Variants in TG observed in about 807,000 individuals in gnomAD.
TG encodes the protein thyroglobulin.
Under a neutral mutation model 324.7 loss-of-function variants are expected in TG, and 270 were observed. The ratio of observed to expected loss-of-function variants is 0.83; its 90% CI spans 0.75 to 0.92. The LOEUF (loss-of-function observed/expected upper bound fraction) is 0.92, where lower values mean the gene tolerates loss of function less well. TG is among the 40% of genes least tolerant of loss of function. TG has a pLI of 0.00. For synonymous variants in TG, 1,401 were observed against 1,327.0 expected (o/e 1.06, Z -1.21); for missense variants, 3,591 against 3,456.4 (o/e 1.04, Z -0.98).
chr8:133,052,508 C>A (rs1216270630), intron 41 of TG, among the ~76,000 whole-genome samples: 1 of 152,194 alleles, frequency 6.6e-6, no homozygotes, highest in East Asian at 1.9e-4. Context: ...TGTCCTGCTG[C>A]AGACCTTCCC....
chr8:132,909,073 G>T (rs1238705408), intron 18 of TG, among the ~76,000 whole-genome samples: 2 of 152,212 alleles, frequency 1.3e-5, no homozygotes, highest in Admixed American at 6.5e-5. Flanking sequence ...CTGTGGCTAG[G>T]ATGGTGAGTT....
intron 41 of TG, among the ~76,000 whole-genome samples, chr8:133,060,979 AAGCT>A (rs1297881378): frequency 1.3e-5 from 2 of 152,200 alleles, no homozygotes; most frequent in African/African-American, 4.8e-5. Flanking sequence ...GTGTACTTAC[AAGCT>A]AGATGACTTC....
At chr8:133,131,152 C>G (rs1398083390) in intron 45 of TG, among the ~76,000 whole-genome samples, 2 of 152,234 alleles carry the variant, frequency 1.3e-5, no homozygotes, top group Admixed American at 1.3e-4. Flanking sequence ...ACCACTCTCC[C>G]TGGTTCCCAG....
In TG at chr8:132,888,141, T is replaced by C. The variant is rs2069550; in HGVS notation, c.2334T>C (p.Pro778=). 875,281 of 1,613,406 alleles carry C rather than the reference T, an allele frequency of 0.54. 241,744 individuals are homozygous for C. Among genetic ancestry groups the C allele is most frequent in the East Asian group, 0.76 (34,151 of 44,850 alleles). ...GACAAGTGCAATGCAATGGGCCTCC[T>C]GAGCAGGTCTTCGAGTTGTACCAAC... is the stretch of plus-strand genomic sequence containing the variant. ...QWRQVQCNGP[P]EQVFELYQRW... The change falls in exon 10 of 48, where the codon CCT becomes CCC. Residue 778 remains proline (P), a synonymous_variant. Coordinates refer to ENST00000220616, the MANE Select transcript of TG (RefSeq NM_003235.5).
chr8:133,098,543 A>T (rs1234375991), intron 43 of TG, among the ~76,000 whole-genome samples: 1 of 152,204 alleles, frequency 6.6e-6, no homozygotes. Context: ...TGTGCACAAG[A>T]CACCATGTCC....
At chr8:133,043,291 G>A (rs979132405) in intron 41 of TG, among the ~76,000 whole-genome samples, 3 of 152,082 alleles carry the variant, frequency 2.0e-5, no homozygotes, top group Non-Finnish European at 4.4e-5. Context: ...TGCTAGGACA[G>A]CATCCTTCTC....
In TG at chr8:133,113,403, T is replaced by C; in HGVS notation, c.7573-19T>C. On this transcript the variant is annotated intron_variant, in intron 43 of 47. Coordinates refer to ENST00000220616, the MANE Select transcript of TG (RefSeq NM_003235.5). The stretch of plus-strand genomic sequence containing the variant: ...TTCAGAATCCAACTGAGGAATTTCG[T>C]ATCTTTTTTTTTTTCTAGCAATTTG... 1 of 1,613,680 alleles carries C rather than the reference T, an allele frequency of 6.2e-7. No individual in the cohort carries two copies. Among genetic ancestry groups the C allele is most frequent in the Non-Finnish European group, 8.5e-7 (1 of 1,179,792 alleles).
intron 22 of TG, among the ~76,000 whole-genome samples, chr8:132,927,931 T>C (rs1822116995): frequency 6.6e-6 from 1 of 152,188 alleles, no homozygotes; most frequent in African/African-American, 2.4e-5. Context: ...GGGCTTTGTG[T>C]GGGCAGAGCA....
In TG at chr8:132,868,088, T is replaced by G. The variant is rs1839138590; in HGVS notation, c.68-27T>G. On this transcript the variant is annotated intron_variant, in intron 1 of 47. Coordinates refer to ENST00000220616, the MANE Select transcript of TG (RefSeq NM_003235.5). Reference sequence around the variant, plus strand: ...CCTGGCAGCCCAGTCCACACTCTTCTTTGATGAACCACTTTTCTTTTCCTA... The same window carrying G: ...CCTGGCAGCCCAGTCCACACTCTTCGTTGATGAACCACTTTTCTTTTCCTA... 1.9e-6 allele frequency: 3 copies of G among 1,608,646 alleles called. No homozygotes were observed. The Admixed American group carries it at 5.0e-5, about 27-fold the overall frequency.
chr8:132,886,829 C>T lies in TG; in HGVS notation c.1457C>T (p.Ser486Phe). 6.2e-7 allele frequency: 1 copy of T among 1,614,200 alleles called. No homozygotes were observed. The highest frequency in any genetic ancestry group is 8.5e-7 in the Non-Finnish European group (1 of 1,180,044). ...FLVNVGQFNL[S>F]GALGTRGTFN... ...GTGAATGTTGGCCAGTTTAACTTGT[C>T]TGGAGCCCTTGGCACAAGAGGCACA... The change falls in exon 9 of 48, where the codon TCT (serine) becomes TTT (phenylalanine). Residue 486 changes from serine (S) to phenylalanine (F), a missense_variant. Transcript: ENST00000220616.
intron 34 of TG, among the ~76,000 whole-genome samples, chr8:132,973,686 G>A (rs28680551): frequency 0.16 from 24,526 of 152,256 alleles, 2,533 homozygotes; most frequent in Middle Eastern, 0.31. Context: ...TTGGGGAATA[G>A]TGGGCAGCCA....
At chr8:133,081,587 A>T (rs2131534292) in intron 41 of TG, among the ~76,000 whole-genome samples, 1 of 138,226 alleles carries the variant, frequency 7.2e-6, no homozygotes, top group South Asian at 2.2e-4. Flanking sequence ...AGGAAGAAGA[A>T]GAAAAAAAAA....
At chr8:132,921,207 A>G (rs1254051740) in intron 21 of TG, among the ~76,000 whole-genome samples, 1 of 152,238 alleles carries the variant, frequency 6.6e-6, no homozygotes, top group Non-Finnish European at 1.5e-5. Flanking sequence ...GCTTCCATAT[A>G]TAAGTTTGGT....
At chr8:132,984,026 A>G (rs1831223862) in intron 35 of TG, among the ~76,000 whole-genome samples, 1 of 152,172 alleles carries the variant, frequency 6.6e-6, no homozygotes, top group Non-Finnish European at 1.5e-5. Flanking sequence ...AGACATCTGG[A>G]TGCTCTAGAT....
chr8:133,095,179 G>A lies in TG; in HGVS notation c.7375G>A (p.Ala2459Thr), dbSNP rs754988585. The A allele has an allele frequency of 1.3e-5, 21 of 1,614,240 alleles. No homozygotes were observed. The South Asian group carries it at 2.3e-4, about 18-fold the overall frequency. The change falls in exon 42 of 48, where the codon GCC (alanine) becomes ACC (threonine). Residue 2459 changes from alanine (A) to threonine (T), a missense_variant. Coordinates refer to ENST00000220616, the MANE Select transcript of TG (RefSeq NM_003235.5). Reference protein sequence around the residue: ...EVVSCLRQKPANVLNDAQTKL... With the variant: ...EVVSCLRQKPTNVLNDAQTKL... ...GGTGTCCTGCCTCCGCCAGAAGCCT[G>A]CCAATGTCCTCAATGATGCCCAGAC... is the stretch of plus-strand genomic sequence containing the variant.
intron 27 of TG, among the ~76,000 whole-genome samples, chr8:132,956,335 G>A (rs891716690): frequency 1.2e-4 from 19 of 152,248 alleles, no homozygotes; most frequent in Middle Eastern, 3.4e-3. Context: ...TTGTGCTGGG[G>A]GAGTGGGTGA....
chr8:133,129,147 C>T (rs1217562089), intron 45 of TG, among the ~76,000 whole-genome samples: 1 of 152,202 alleles, frequency 6.6e-6, no homozygotes, highest in Non-Finnish European at 1.5e-5. Context: ...CTCCAGATGT[C>T]CCTTAAACTG....
At position 133,133,451 on chromosome 8, in the gene TG, T is replaced by C; in HGVS notation, c.7998-19T>C. On this transcript the variant is annotated intron_variant, in intron 46 of 47. Coordinates refer to ENST00000220616, the MANE Select transcript of TG (RefSeq NM_003235.5). Reference sequence around the variant, plus strand: ...GACAAATTTCCCTCATGGATATTTCTTTCTTCTCATTTGCCCAGAAATCCC... The same window carrying C: ...GACAAATTTCCCTCATGGATATTTCCTTCTTCTCATTTGCCCAGAAATCCC... 1 of 1,613,064 alleles carries C rather than the reference T, an allele frequency of 6.2e-7. No homozygotes were observed. The highest frequency in any genetic ancestry group is 8.5e-7 in the Non-Finnish European group (1 of 1,178,992).
At chr8:133,018,175 G>T (rs549093794) in intron 38 of TG, among the ~76,000 whole-genome samples, 178 bp downstream of exon 38, 75 of 152,328 alleles carry the variant, frequency 4.9e-4, no homozygotes, top group African/African-American at 1.6e-3. Flanking sequence ...CTAAGTAACA[G>T]TGGCTTAACA....
Sources: gnomAD v4.1 joint callset for allele counts (sites outside exome capture counted in the v4.1 genomes callset) on GRCh38, gnomAD v4.1.1 for gene constraint, MANE v1.5 for transcripts, NCBI Gene and HGNC (gene_info 2026-07-23, HGNC 2026-07-21) for gene names.